Variants in EPHA6 observed in about 807,000 individuals in gnomAD.
EPHA6 encodes the protein ephrin type-A receptor 6.
Under a neutral mutation model 112.0 loss-of-function variants are expected in EPHA6, and 50 were observed. The ratio of observed to expected loss-of-function variants is 0.45; its 90% CI spans 0.36 to 0.56. EPHA6 has a LOEUF of 0.56. Ranked by LOEUF, EPHA6 falls within the 20% of genes least tolerant of loss-of-function variation. The probability of loss-of-function intolerance (pLI) is 0.00; values close to 1 mark genes in which losing one functional copy is unlikely to be tolerated. For synonymous variants in EPHA6, 529 were observed against 490.7 expected, an observed-to-expected ratio of 1.08 and a Z score of -1.03; for missense variants, 1,280 against 1,417.4, an observed-to-expected ratio of 0.90 and a Z score of 1.56.
At chr3:97,281,475 A>G (rs146801879) in intron 5 of EPHA6, among the ~76,000 whole-genome samples, 59 of 152,266 alleles carry the variant, frequency 3.9e-4, no homozygotes, top group Middle Eastern at 3.4e-3. Flanking sequence ...AGGGAGCACA[A>G]ACCCTCAGTC....
In EPHA6 at chr3:97,405,156, C is replaced by T; in HGVS notation, c.1613C>T (p.Ser538Phe). 6.3e-7 allele frequency: 1 copy of T among 1,596,010 alleles called. No individual in the cohort carries two copies. The highest frequency in any genetic ancestry group is 1.1e-5 in the South Asian group (1 of 88,502). Residue 538 changes from serine (S) to phenylalanine (F), a missense_variant, in exon 6 of 18, where the codon TCC (serine) becomes TTC (phenylalanine). Around this residue, in one of 4 missense-constraint regions of EPHA6, gnomAD observed 878 missense variants for 999.7 expected, o/e 0.88. Coordinates refer to ENST00000389672, the MANE Select transcript of EPHA6 (RefSeq NM_001080448.3). ...ITVTTDQDAP[S>F]LIGVVRKDWA... ...TTATTTTCTTTCCTTTCAGCACCTTCCCTGATAGGTGTGGTAAGGAAGGAC... is the reference window on the plus strand; with the variant it reads ...TTATTTTCTTTCCTTTCAGCACCTTTCCTGATAGGTGTGGTAAGGAAGGAC...
At chr3:97,159,492 C>G (rs972121686) in intron 3 of EPHA6, among the ~76,000 whole-genome samples, 1 of 152,132 alleles carries the variant, frequency 6.6e-6, no homozygotes, top group Admixed American at 6.6e-5. Flanking sequence ...AGTGGTGCTA[C>G]TTCTATTTTC....
At chr3:97,674,054 A>G (rs2031121404) in intron 14 of EPHA6, among the ~76,000 whole-genome samples, 2 of 152,246 alleles carry the variant, frequency 1.3e-5, no homozygotes, top group Admixed American at 6.5e-5. Context: ...AGAACGACAG[A>G]AAGAAACCTA....
At chr3:97,267,319 T>G (rs890551790) in intron 5 of EPHA6, among the ~76,000 whole-genome samples, 1 of 152,062 alleles carries the variant, frequency 6.6e-6, no homozygotes, top group Non-Finnish European at 1.5e-5. Context: ...TCCTTTGTAG[T>G]CTGAGATACT....
intron 3 of EPHA6, among the ~76,000 whole-genome samples, chr3:97,048,633 A>G (rs2045587965): frequency 6.6e-6 from 1 of 152,190 alleles, no homozygotes; most frequent in Non-Finnish European, 1.5e-5. Context: ...TGATGTGAGA[A>G]AAACCACAGG....
In EPHA6 at chr3:96,830,260, G is replaced by C. The variant is rs186358064; in HGVS notation, c.385+15252G>C. ...ACATCAGGTCTTTGTGCTTACAGAGGATATTTCCCTGAAAAACTCGAACAT... is the reference window on the plus strand; with the variant it reads ...ACATCAGGTCTTTGTGCTTACAGAGCATATTTCCCTGAAAAACTCGAACAT... On this transcript the variant is annotated intron_variant, in intron 1 of 17. Coordinates refer to ENST00000389672, the MANE Select transcript of EPHA6 (RefSeq NM_001080448.3). 7.2e-3 allele frequency among the ~76,000 whole-genome samples: 1,101 copies of C among 151,952 alleles called. 15 individuals are homozygous for C. Among genetic ancestry groups the C allele is most frequent in the African/African-American group, 0.025 (1,022 of 41,458 alleles).
chr3:97,255,026 A>C (rs1484211314), intron 5 of EPHA6, among the ~76,000 whole-genome samples: 1 of 152,110 alleles, frequency 6.6e-6, no homozygotes, highest in Admixed American at 6.6e-5. Flanking sequence ...ACTGTTCTCC[A>C]ATTCTTTATT....
At chr3:97,728,394 G>A (rs1478394515) in intron 15 of EPHA6, among the ~76,000 whole-genome samples, 2 of 151,984 alleles carry the variant, frequency 1.3e-5, no homozygotes, top group African/African-American at 4.8e-5. Flanking sequence ...GTAATTTGTT[G>A]TCCAGGAACT....
At chr3:96,830,877 A>G (rs939873709) in intron 1 of EPHA6, among the ~76,000 whole-genome samples, 1 of 152,054 alleles carries the variant, frequency 6.6e-6, no homozygotes, top group Non-Finnish European at 1.5e-5. Flanking sequence ...ATAGTTAATG[A>G]TAATAAAGTA....
At chr3:97,741,221 C>T (rs746045738) in intron 16 of EPHA6, among the ~76,000 whole-genome samples, 15 of 151,858 alleles carry the variant, frequency 9.9e-5, no homozygotes, top group Admixed American at 2.0e-4. Flanking sequence ...GGCATGGTGG[C>T]ACATGCCTGT....
At chr3:97,349,125 T>C (rs2083677384) in intron 5 of EPHA6, among the ~76,000 whole-genome samples, 1 of 152,110 alleles carries the variant, frequency 6.6e-6, no homozygotes, top group Admixed American at 6.6e-5. Context: ...TTAAAATTTA[T>C]CTGGTATCAA....
intron 3 of EPHA6, among the ~76,000 whole-genome samples, chr3:97,025,204 A>G (rs1391246771): frequency 2.0e-5 from 3 of 152,362 alleles, no homozygotes; most frequent in South Asian, 2.1e-4. Context: ...AGCACCTCTC[A>G]CTTCGTAAGC....
At chr3:97,108,011 AG>A (rs2047618261) in intron 3 of EPHA6, among the ~76,000 whole-genome samples, 1 of 152,194 alleles carries the variant, frequency 6.6e-6, no homozygotes, top group Non-Finnish European at 1.5e-5. Flanking sequence ...ATTGTATATA[AG>A]GGACCTAAGT....
chr3:97,551,454 C>T (rs1201528620), intron 11 of EPHA6, among the ~76,000 whole-genome samples: 2 of 152,156 alleles, frequency 1.3e-5, no homozygotes, highest in Non-Finnish European at 2.9e-5. Flanking sequence ...CAAACAAAGA[C>T]ATCAGTGATT....
chr3:97,395,358 A>G (rs1209133468), intron 5 of EPHA6, among the ~76,000 whole-genome samples: 1 of 151,864 alleles, frequency 6.6e-6, no homozygotes, highest in Non-Finnish European at 1.5e-5. Context: ...CATTTAAGAA[A>G]CATTTCCAAA....
intron 14 of EPHA6, among the ~76,000 whole-genome samples, chr3:97,675,651 T>A (rs1290175454): frequency 3.9e-5 from 6 of 152,172 alleles, no homozygotes; most frequent in Non-Finnish European, 8.8e-5. Context: ...AAACAGTCGT[T>A]ACCCATAAAC....
chr3:96,828,671 A>G (rs978954590), intron 1 of EPHA6, among the ~76,000 whole-genome samples: 2 of 152,148 alleles, frequency 1.3e-5, no homozygotes, highest in Non-Finnish European at 2.9e-5. Flanking sequence ...CAAAAGTGAA[A>G]GAGATAGGCT....
intron 1 of EPHA6, among the ~76,000 whole-genome samples, chr3:96,819,026 A>G (rs1033430999): frequency 6.6e-6 from 1 of 152,000 alleles, no homozygotes; most frequent in Non-Finnish European, 1.5e-5. Flanking sequence ...CAGTTCCAGC[A>G]GTGATCATCT....
chr3:97,461,910 G>A (rs2090900800), intron 7 of EPHA6, among the ~76,000 whole-genome samples: 1 of 152,070 alleles, frequency 6.6e-6, no homozygotes, highest in Non-Finnish European at 1.5e-5. Flanking sequence ...CCTCCATTAG[G>A]CCCATTCCAG....
Sources: gnomAD v4.1 joint callset for allele counts (sites outside exome capture counted in the v4.1 genomes callset) on GRCh38, gnomAD v4.1.1 for gene constraint, gnomAD v4.1.1 regional missense constraint, MANE v1.5 for transcripts, NCBI Gene and HGNC (gene_info 2026-07-23, HGNC 2026-07-21) for gene names.